TVP23A: variants seen among roughly 807,000 people sequenced by gnomAD.
TVP23A encodes trans-golgi network vesicle protein 23 homolog A.
A neutral mutation model predicts 31.7 loss-of-function variants in TVP23A; 21 were observed. That is an observed-to-expected ratio of 0.66 (90% CI 0.47 to 0.95). The LOEUF (loss-of-function observed/expected upper bound fraction) is 0.95, where lower values mean the gene tolerates loss of function less well. Among genes scored for constraint, TVP23A ranks in the 40% least tolerant of loss-of-function variants. The pLI, the probability that TVP23A is intolerant of heterozygous loss-of-function variation, is 0.00. For missense variants in TVP23A, 279 were observed against 255.6 expected, an observed-to-expected ratio of 1.09 and a Z score of -0.62; for synonymous variants, 104 against 96.0, an observed-to-expected ratio of 1.08 and a Z score of -0.49.
At chr16:10,780,941 C>T (rs2032383112) in intron 2 of TVP23A, among the ~76,000 whole-genome samples, 1 of 152,142 alleles carries the variant, frequency 6.6e-6, no homozygotes, top group Admixed American at 6.5e-5. Context: ...GGGCCCCTCA[C>T]ATTCCCCCAG....
chr16:10,797,728 A>C (rs1229730051), intron 2 of TVP23A, among the ~76,000 whole-genome samples: 1 of 152,054 alleles, frequency 6.6e-6, no homozygotes, highest in African/African-American at 2.4e-5. Context: ...TCTAAAAAAA[A>C]AATCATTTTT....
rs374174601 is a variant in TVP23A, at chr16:10,782,070, C to T, written c.90-6974G>A. ...AGAGACAGGGTTTTACCATGTTGGC[C>T]GGGCTGGTCTCGAACTCCTGACCTC... is the stretch of plus-strand genomic sequence containing the variant. On this transcript the variant is annotated intron_variant, in intron 2 of 7. Coordinates refer to ENST00000299866, the MANE Select transcript of TVP23A (RefSeq NM_001079512.4). 2.1e-4 allele frequency among the ~76,000 whole-genome samples: 32 copies of T among 151,920 alleles called. 2 individuals are homozygous for T. In the East Asian group the frequency reaches 4.7e-3, roughly 22 times the overall value.
intron 2 of TVP23A, among the ~76,000 whole-genome samples, chr16:10,803,004 C>G (rs1401742093): frequency 6.6e-6 from 1 of 152,210 alleles, no homozygotes; most frequent in East Asian, 1.9e-4. Flanking sequence ...AGCTGAGAGG[C>G]TGGACGCAGT....
At chr16:10,801,639 A>G (rs1042306169) in intron 2 of TVP23A, among the ~76,000 whole-genome samples, 7 of 152,128 alleles carry the variant, frequency 4.6e-5, no homozygotes, top group African/African-American at 1.4e-4. Flanking sequence ...GTATTTTAGT[A>G]GAGATGGGGT....
downstream of TVP23A, chr16:10,757,809 G>A: frequency 1.3e-6 from 2 of 1,560,670 alleles, no homozygotes; most frequent in East Asian, 4.5e-5. The surrounding 1 kb of genome is among the most constrained non-coding windows in gnomAD (Gnocchi z 4.1). Context: ...AAAAAAAAAA[G>A]AGGGAGTTGA....
At chr16:10,815,318 G>A (rs7202805) in intron 2 of TVP23A, among the ~76,000 whole-genome samples, 28,676 of 152,144 alleles carry the variant, frequency 0.19, 6,570 homozygotes, top group African/African-American at 0.54. Context: ...AGACTGAGGC[G>A]GGAGAACTGC....
At chr16:10,781,758 T>C (rs1220121777) in intron 2 of TVP23A, among the ~76,000 whole-genome samples, 1 of 150,148 alleles carries the variant, frequency 6.7e-6, no homozygotes, top group Non-Finnish European at 1.5e-5. Context: ...TTGGCAGAAA[T>C]GAGGGAAAAC....
At chr16:10,788,923 G>C (rs1327104201) in intron 2 of TVP23A, among the ~76,000 whole-genome samples, 1 of 152,164 alleles carries the variant, frequency 6.6e-6, no homozygotes, top group Non-Finnish European at 1.5e-5. Flanking sequence ...TCTGAGCATG[G>C]GAACATGATG....
chr16:10,760,257 G>A (rs767825090), downstream of TVP23A, among the ~76,000 whole-genome samples: 21 of 152,226 alleles, frequency 1.4e-4, no homozygotes, highest in African/African-American at 2.2e-4. Flanking sequence ...CCCCTTAGCC[G>A]TGCCACTGTG....
chr16:10,769,997 C>A (rs751923705), intron 7 of TVP23A, among the ~76,000 whole-genome samples: 4 of 152,202 alleles, frequency 2.6e-5, no homozygotes, highest in Admixed American at 6.5e-5. Flanking sequence ...CCTCCCCGCC[C>A]TTCCCTAGGA....
At position 10,771,767 on chromosome 16, in the gene TVP23A, G is replaced by A. The variant is rs371948396; in HGVS notation, c.485C>T (p.Ala162Val). Residue 162 changes from alanine to valine, a missense_variant, in exon 6 of 8, where the codon GCT becomes GTT. Transcript: ENST00000299866. ...AAGGATGTAGCCATACAGGTTTGCA[G>A]CTTGGAGAGAGATCCCAGCAACCAC... The part of the protein sequence containing the change: ...ALVVAGISLQ[A>V]ANLYGYILCK... 2.5e-6 allele frequency: 4 copies of A among 1,591,466 alleles called. No individual in the cohort carries two copies. The highest frequency in any genetic ancestry group is 1.3e-5 in the African/African-American group (1 of 74,478).
chr16:10,814,684 A>G (rs1397803747), intron 2 of TVP23A, among the ~76,000 whole-genome samples: 1 of 152,238 alleles, frequency 6.6e-6, no homozygotes, highest in Non-Finnish European at 1.5e-5. Context: ...GTGGCTATTT[A>G]CATTCAAATT....
At chr16:10,771,554 T>C in intron 6 of TVP23A, 116 bp downstream of exon 6, 1 of 1,347,900 alleles carries the variant, frequency 7.4e-7, no homozygotes, top group Non-Finnish European at 1.0e-6. Flanking sequence ...ATATAAACAA[T>C]AAAACATTGG....
chr16:10,793,901 CAAAAAAAAAAAAAAAAA>C (rs61392688), intron 2 of TVP23A, among the ~76,000 whole-genome samples: 6 of 39,180 alleles, frequency 1.5e-4, no homozygotes, highest in South Asian at 1.2e-3. Flanking sequence ...CCTGTCTCAC[CAAAAAAAAAAAAAAAAA>C]AAAAAAAAAA....
In TVP23A at chr16:10,767,601, C is replaced by T. The variant is rs2031093423; in HGVS notation, c.*1501G>A. ...ATGCCATATCCTTTTGCATTCTGTA[C>T]TTTTTTTAACCATGTGCATTCATGA... On this transcript the variant is annotated 3_prime_UTR_variant, in exon 8 of 8. Coordinates refer to ENST00000299866, the MANE Select transcript of TVP23A (RefSeq NM_001079512.4). This position sits in a 1 kb window ranked among gnomAD's most constrained non-coding sequence, Gnocchi z 4.6. The T allele has an allele frequency of 1.1e-5, 5 of 451,872 alleles. No individual in the cohort carries two copies. The South Asian group carries it at 2.7e-4, about 25-fold the overall frequency. 28.0% of individuals were successfully genotyped at this position (451,872 alleles called of 1,614,324 possible).
At chr16:10,782,174 C>G (rs1037063437) in intron 2 of TVP23A, among the ~76,000 whole-genome samples, 1 of 151,968 alleles carries the variant, frequency 6.6e-6, no homozygotes, top group African/African-American at 2.4e-5. Context: ...ATAACACAAC[C>G]TTCCCACACT....
Position 10,794,943 on chromosome 16 carries a change from C to T in TVP23A, c.90-19847G>A, listed in dbSNP as rs570074728. ...AACCACAGAGAGCTAGTAACACAGGCGACCCGAGGCAGTGGCCTCTGAACT... is the reference window on the plus strand; with the variant it reads ...AACCACAGAGAGCTAGTAACACAGGTGACCCGAGGCAGTGGCCTCTGAACT... On this transcript the variant is annotated intron_variant, in intron 2 of 7. Coordinates refer to ENST00000299866, the MANE Select transcript of TVP23A (RefSeq NM_001079512.4). Among the ~76,000 whole-genome samples the T allele has an allele frequency of 7.9e-5, 12 of 152,086 alleles. No homozygotes were observed. In the East Asian group the frequency reaches 1.9e-3, roughly 24 times the overall value.
chr16:10,816,769 T>C (rs1016310603), intron 2 of TVP23A, among the ~76,000 whole-genome samples: 2 of 151,932 alleles, frequency 1.3e-5, no homozygotes, highest in Non-Finnish European at 1.5e-5. Flanking sequence ...ATATACCTAA[T>C]GCTAAATGAC....
At chr16:10,814,556 T>C (rs2034350424) in intron 2 of TVP23A, among the ~76,000 whole-genome samples, 1 of 152,162 alleles carries the variant, frequency 6.6e-6, no homozygotes, top group Middle Eastern at 3.4e-3. Flanking sequence ...GCCAGTGCCT[T>C]GGTCTGATCT....
Sources: allele counts gnomAD v4.1 joint callset (sites outside exome capture counted in the v4.1 genomes callset), GRCh38; gene constraint gnomAD v4.1.1; non-coding constraint Gnocchi (gnomAD v3.1); transcripts MANE v1.5; gene names NCBI Gene and HGNC (gene_info 2026-07-23, HGNC 2026-07-21).